SMARCAD1: variants seen among roughly 807,000 people sequenced by gnomAD.
The protein encoded by SMARCAD1 is SWI/SNF-related matrix-associated actin-dependent regulator of chromatin subfamily A containing DEAD/H box 1.
A neutral mutation model predicts 127.1 loss-of-function variants in SMARCAD1; 25 were observed. That is an observed-to-expected ratio of 0.20 (90% CI 0.14 to 0.27). The LOEUF (loss-of-function observed/expected upper bound fraction) is 0.27, where lower values mean the gene tolerates loss of function less well. Ranked by LOEUF, SMARCAD1 falls within the 10% of genes least tolerant of loss-of-function variation. SMARCAD1 has a pLI of 1.00. For synonymous variants in SMARCAD1, 400 were observed against 396.9 expected, an observed-to-expected ratio of 1.01 and a Z score of -0.09; for missense variants, 807 against 1,206.0, an observed-to-expected ratio of 0.67 and a Z score of 4.90.
rs780463117 is a variant in SMARCAD1 at position 94,279,012 on chromosome 4, G to T, written c.2380G>T (p.Ala794Ser). 1 of 1,614,014 alleles carries T rather than the reference G, an allele frequency of 6.2e-7. No individual in the cohort carries two copies. The highest frequency in any genetic ancestry group is 8.5e-7 in the Non-Finnish European group (1 of 1,180,002). ...HPLLHRQYYT[A>S]EKLKEMSQLM... The stretch of plus-strand genomic sequence containing the variant: ...TTTATTACATCGCCAATATTACACA[G>T]CTGAAAAACTCAAGGAAATGTCTCA... Residue 794 changes from alanine (A) to serine (S), a missense_variant, in exon 19 of 24, where the codon GCT becomes TCT. Around this residue, in one of 8 missense-constraint regions of SMARCAD1, gnomAD observed 99 missense variants for 126.0 expected, o/e 0.79. Coordinates refer to ENST00000354268, the MANE Select transcript of SMARCAD1 (RefSeq NM_020159.5).
intron 3 of SMARCAD1, among the ~76,000 whole-genome samples, chr4:94,232,378 G>C (rs1745974835): frequency 6.6e-6 from 1 of 152,132 alleles, no homozygotes; most frequent in Non-Finnish European, 1.5e-5. Flanking sequence ...ATCCAGGGCA[G>C]GAATTATAAA....
At chr4:94,216,390 C>T (rs965979951) in intron 2 of SMARCAD1, among the ~76,000 whole-genome samples, 6 of 152,042 alleles carry the variant, frequency 3.9e-5, no homozygotes, top group African/African-American at 1.5e-4. Flanking sequence ...TTCTGCATTC[C>T]GCATTACCAC....
Position 94,249,741 on chromosome 4 carries a change from A to G in SMARCAD1, c.793A>G (p.Asn265Asp), listed in dbSNP as rs1364704622. The G allele has an allele frequency of 1.3e-6, 2 of 1,592,496 alleles. No individual in the cohort carries two copies. Among genetic ancestry groups the G allele is most frequent in the Admixed American group, 3.3e-5 (2 of 59,960 alleles). ...IVLKLQKEFP[N>D]FDKQELREVL... ...ACTGAAATTGCAAAAGGAATTTCCC[A>G]ATTTTGATAAACAGGTGAGTAGTCG... The change falls in exon 7 of 24, where the codon AAT (asparagine) becomes GAT (aspartate). Residue 265 changes from asparagine (N) to aspartate (D), a missense_variant. This residue lies in a region of SMARCAD1 where 257 missense variants were observed against 303.4 expected (regional missense o/e 0.85). Transcript: ENST00000354268.
rs78861010 is a variant in SMARCAD1, at chr4:94,258,746, T to C, written c.1281+5739T>C. Reference sequence around the variant, plus strand: ...TTACATATCTGTAAGCAAATATCTGTAAGTGGGGTGTAATTATAGTGCCTG... The same window carrying C: ...TTACATATCTGTAAGCAAATATCTGCAAGTGGGGTGTAATTATAGTGCCTG... On this transcript the variant is annotated intron_variant, in intron 9 of 23. Transcript: ENST00000354268. Among the ~76,000 whole-genome samples, 18 of 152,328 alleles carry C rather than the reference T, an allele frequency of 1.2e-4. No homozygotes were observed. In the East Asian group the frequency reaches 2.7e-3, roughly 23 times the overall value.
chr4:94,236,845 CT>C, intron 4 of SMARCAD1, 106 bp from the exon 5 acceptor site: 1 of 889,608 alleles, frequency 1.1e-6, no homozygotes. Flanking sequence ...GACACACATA[CT>C]TTCCTGTCAT....
intron 9 of SMARCAD1, chr4:94,253,772 T>C (rs1406171686): frequency 3.8e-6 from 3 of 786,148 alleles, no homozygotes; most frequent in Non-Finnish European, 4.6e-6. Flanking sequence ...CCAACAGTCA[T>C]CAAATCTTAT....
intron 2 of SMARCAD1, among the ~76,000 whole-genome samples, chr4:94,215,243 T>C (rs1379578552): frequency 5.3e-5 from 8 of 152,172 alleles, no homozygotes; most frequent in Non-Finnish European, 1.0e-4. Context: ...AATACTTAGT[T>C]AAAGGGTTAG....
intron 6 of SMARCAD1, chr4:94,248,353 A>C (rs191217031): frequency 1.5e-5 from 6 of 388,998 alleles, no homozygotes; most frequent in Non-Finnish European, 3.1e-5. Flanking sequence ...ACAAATGAAC[A>C]ACTGAAGTTT....
chr4:94,232,309 GTC>G (rs1403972805), intron 3 of SMARCAD1, among the ~76,000 whole-genome samples: 1 of 152,138 alleles, frequency 6.6e-6, no homozygotes, highest in African/African-American at 2.4e-5. Flanking sequence ...AGATCATTGA[GTC>G]TGATCACTGG....
intron 9 of SMARCAD1, among the ~76,000 whole-genome samples, chr4:94,263,862 T>C (rs1373215539): frequency 6.6e-6 from 1 of 151,960 alleles, no homozygotes; most frequent in Admixed American, 6.6e-5. Flanking sequence ...TTGGACTTTC[T>C]CATCCTTTCC....
chr4:94,213,058 T>A lies in SMARCAD1; in HGVS notation c.190+4474T>A, dbSNP rs1034153175. The stretch of plus-strand genomic sequence containing the variant: ...AGTGAGTTTGGAGGGATTGAAATAA[T>A]GGCAGGTGAAAGGGAAGAGAGATCC... On this transcript the variant is annotated intron_variant, in intron 2 of 23. Coordinates refer to ENST00000354268, the MANE Select transcript of SMARCAD1 (RefSeq NM_020159.5). 4.7e-6 allele frequency: 6 copies of A among 1,286,208 alleles called. No homozygotes were observed. In the African/African-American group the frequency reaches 9.1e-5, roughly 20 times the overall value. 79.7% of individuals were successfully genotyped at this position (1,286,208 alleles called of 1,614,324 possible).
At chr4:94,230,095 T>C (rs1745603621) in intron 3 of SMARCAD1, among the ~76,000 whole-genome samples, 1 of 152,130 alleles carries the variant, frequency 6.6e-6, no homozygotes, top group Non-Finnish European at 1.5e-5. Flanking sequence ...TATTTTGTAT[T>C]CCTTTTAGGG....
intron 5 of SMARCAD1, among the ~76,000 whole-genome samples, chr4:94,237,885 A>G (rs543042101): frequency 6.6e-6 from 1 of 152,258 alleles, no homozygotes; most frequent in South Asian, 2.1e-4. Context: ...TAAATTTCAA[A>G]CTAGGATGTT....
intron 6 of SMARCAD1, among the ~76,000 whole-genome samples, chr4:94,246,941 C>T (rs757949606): frequency 1.3e-5 from 2 of 152,202 alleles, no homozygotes; most frequent in African/African-American, 2.4e-5. Flanking sequence ...TATTGATTTG[C>T]TCCAGCAAAA....
intron 3 of SMARCAD1, among the ~76,000 whole-genome samples, chr4:94,232,405 T>C (rs1258570979): frequency 1.3e-5 from 2 of 152,180 alleles, no homozygotes; most frequent in African/African-American, 2.4e-5. Context: ...TTAACCTGAA[T>C]GCTTTCATTT....
chr4:94,248,012 C>G (rs983886583), intron 6 of SMARCAD1, among the ~76,000 whole-genome samples: 8 of 152,274 alleles, frequency 5.3e-5, no homozygotes, highest in African/African-American at 1.7e-4. Context: ...CCTCCGCCTT[C>G]TTGTGTTCCC....
chr4:94,224,129 T>C (rs1744634376), intron 2 of SMARCAD1, among the ~76,000 whole-genome samples: 1 of 152,218 alleles, frequency 6.6e-6, no homozygotes, highest in Non-Finnish European at 1.5e-5. Flanking sequence ...TTTCTTCATG[T>C]TTATGGCAAT....
At chr4:94,247,953 A>G (rs1159712534) in intron 6 of SMARCAD1, among the ~76,000 whole-genome samples, 1 of 152,172 alleles carries the variant, frequency 6.6e-6, no homozygotes, top group Non-Finnish European at 1.5e-5. Flanking sequence ...CCAGATAGTA[A>G]GGATAGTACT....
At chr4:94,254,434 A>G (rs1404637410) in intron 9 of SMARCAD1, among the ~76,000 whole-genome samples, 1 of 152,192 alleles carries the variant, frequency 6.6e-6, no homozygotes, top group East Asian at 1.9e-4. Context: ...TGCTGTAAAT[A>G]CTTGCCCGAA....
Sources: allele counts gnomAD v4.1 joint callset (sites outside exome capture counted in the v4.1 genomes callset), GRCh38; gene constraint gnomAD v4.1.1; regional missense constraint gnomAD v4.1.1; transcripts MANE v1.5; gene names NCBI Gene and HGNC (gene_info 2026-07-23, HGNC 2026-07-21).